TIAM1: variants seen among roughly 807,000 people sequenced by gnomAD.
TIAM1 encodes TIAM Rac1 associated GEF 1, also known as rho guanine nucleotide exchange factor TIAM1.
TIAM1 carries 65 observed loss-of-function variants against 163.5 expected under a neutral mutation model. That is an observed-to-expected ratio of 0.40 (90% CI 0.33 to 0.49). The LOEUF (loss-of-function observed/expected upper bound fraction) is 0.49. Among genes scored for constraint, TIAM1 ranks in the 20% least tolerant of loss-of-function variants. The pLI, the probability that TIAM1 is intolerant of heterozygous loss-of-function variation, is 0.77. For synonymous variants in TIAM1, 833 were observed against 810.1 expected (o/e 1.03, Z -0.48); for missense variants, 1,789 against 2,044.7 (o/e 0.87, Z 2.41).
At chr21:31,162,647 T>TA (rs1267037846) in intron 16 of TIAM1, among the ~76,000 whole-genome samples, 1 of 151,432 alleles carries the variant, frequency 6.6e-6, no homozygotes, top group African/African-American at 2.4e-5. Context: ...TTAATCTTTT[T>TA]TTTTTTTTTT....
intron 2 of TIAM1, among the ~76,000 whole-genome samples, chr21:31,439,019 A>G (rs2044322041): frequency 6.6e-6 from 1 of 152,230 alleles, no homozygotes. Flanking sequence ...TTCAGTTTCA[A>G]TTACATTAAC....
At chr21:31,344,880 T>C (rs1054759219), upstream of TIAM1, among the ~76,000 whole-genome samples, 7 of 152,206 alleles carry the variant, frequency 4.6e-5, no homozygotes, top group Admixed American at 6.5e-5. Flanking sequence ...TACATCCCTC[T>C]TTCCTTCCCC....
At chr21:31,363,104 C>A (rs1243556825) in intron 2 of TIAM1, among the ~76,000 whole-genome samples, 1 of 152,018 alleles carries the variant, frequency 6.6e-6, no homozygotes, top group Non-Finnish European at 1.5e-5. Flanking sequence ...GGTTCACGAT[C>A]GATATTAGCT....
At chr21:31,157,057 C>T (rs184377870) in intron 16 of TIAM1, among the ~76,000 whole-genome samples, 24 of 152,266 alleles carry the variant, frequency 1.6e-4, no homozygotes, top group Admixed American at 9.2e-4. Flanking sequence ...TTAAGCTAAA[C>T]GGCATAAAGA....
At chr21:31,155,715 A>G (rs543571966) in intron 16 of TIAM1, among the ~76,000 whole-genome samples, 7 of 152,166 alleles carry the variant, frequency 4.6e-5, no homozygotes, top group African/African-American at 1.7e-4. Flanking sequence ...CATGTTGGCC[A>G]GGATGGTCTC....
intron 10 of TIAM1, among the ~76,000 whole-genome samples, chr21:31,210,893 C>G (rs1401720263): frequency 6.6e-6 from 1 of 152,082 alleles, no homozygotes; most frequent in African/African-American, 2.4e-5. Flanking sequence ...ATTCCTACAA[C>G]AAGCACATCT....
intron 2 of TIAM1, among the ~76,000 whole-genome samples, chr21:31,457,569 C>T (rs912831298): frequency 1.3e-5 from 2 of 152,094 alleles, no homozygotes; most frequent in South Asian, 2.1e-4. Flanking sequence ...AACAAAGGAA[C>T]GGAGACCACA....
chr21:31,263,876 A>C (rs1453352704), intron 4 of TIAM1, among the ~76,000 whole-genome samples: 1 of 152,166 alleles, frequency 6.6e-6, no homozygotes, highest in East Asian at 1.9e-4. Context: ...CAGCCCTTCA[A>C]TCCCTTTCAG....
intron 1 of TIAM1, among the ~76,000 whole-genome samples, chr21:31,513,795 G>A (rs1266728707): frequency 1.3e-5 from 2 of 152,078 alleles, no homozygotes; most frequent in Non-Finnish European, 2.9e-5. Flanking sequence ...ATCACCTGAG[G>A]TCAGGAGTTC....
chr21:31,476,930 G>T (rs945652411), intron 1 of TIAM1, among the ~76,000 whole-genome samples: 1 of 152,134 alleles, frequency 6.6e-6, no homozygotes, highest in Non-Finnish European at 1.5e-5. Flanking sequence ...AACCAGTTTT[G>T]CTCTAGATAC....
intron 1 of TIAM1, among the ~76,000 whole-genome samples, chr21:31,477,631 C>T (rs924351787): frequency 2.6e-5 from 4 of 152,000 alleles, no homozygotes; most frequent in African/African-American, 4.8e-5. Flanking sequence ...CACGCCACCA[C>T]GCCCAGCTGA....
intron 4 of TIAM1, among the ~76,000 whole-genome samples, chr21:31,252,832 C>T (rs955662887): frequency 3.9e-5 from 6 of 152,220 alleles, no homozygotes; most frequent in African/African-American, 1.4e-4. Flanking sequence ...AGCAGCCTCT[C>T]ACTCTGCATT....
At chr21:31,174,886 T>G (rs1488254940) in intron 15 of TIAM1, among the ~76,000 whole-genome samples, 1 of 152,210 alleles carries the variant, frequency 6.6e-6, no homozygotes, top group Non-Finnish European at 1.5e-5. Flanking sequence ...TGACTTCTGG[T>G]GATCCACCCT....
chr21:31,381,632 C>T (rs1362708906), intron 2 of TIAM1, among the ~76,000 whole-genome samples: 1 of 152,156 alleles, frequency 6.6e-6, no homozygotes, highest in African/African-American at 2.4e-5. Context: ...CACGCCACTG[C>T]ACTCCAGCCT....
chr21:31,432,153 G>C lies in TIAM1; in HGVS notation c.-369+31830C>G, dbSNP rs77749809. ...GTCTCGCTCTGACACCAGGCTGGAG[G>C]GCAGTGGCGTAATCTCAACTCACTG... On this transcript the variant is annotated intron_variant, in intron 2 of 28. Coordinates refer to the TIAM1 transcript ENST00000286827. 2.6e-3 allele frequency among the ~76,000 whole-genome samples: 380 copies of C among 146,944 alleles called. 3 individuals are homozygous for C. Among genetic ancestry groups the C allele is most frequent in the African/African-American group, 9.4e-3 (369 of 39,374 alleles).
intron 2 of TIAM1, among the ~76,000 whole-genome samples, chr21:31,392,838 A>C (rs909101481): frequency 2.6e-5 from 4 of 152,068 alleles, no homozygotes; most frequent in African/African-American, 4.8e-5. Context: ...CCCTTTCGCC[A>C]TGTGACATGC....
At chr21:31,286,330 G>A (rs1466670692) in intron 2 of TIAM1, among the ~76,000 whole-genome samples, 2 of 152,166 alleles carry the variant, frequency 1.3e-5, no homozygotes, top group African/African-American at 2.4e-5. Context: ...TTGGGAGGCT[G>A]AGGCAGGAGG....
chr21:31,454,390 C>T (rs1324202705), intron 2 of TIAM1, among the ~76,000 whole-genome samples: 1 of 152,208 alleles, frequency 6.6e-6, no homozygotes, highest in Non-Finnish European at 1.5e-5. Flanking sequence ...CAGAAAACAA[C>T]ATGTGTACTA....
chr21:31,135,963 A>G lies in TIAM1; in HGVS notation c.3853T>C (p.Trp1285Arg). 1 of 1,614,074 alleles carries G rather than the reference A, an allele frequency of 6.2e-7. No homozygotes were observed. The highest frequency in any genetic ancestry group is 8.5e-7 in the Non-Finnish European group (1 of 1,180,022). ...WLNPPASLGK[W>R]KKEPELAAFV... ...GCTGCCAACTCTGGTTCCTTTTTCC[A>G]CTTGCCCAGCGAGGCCGGCGGGTTC... is the stretch of plus-strand genomic sequence containing the variant. Residue 1285 changes from tryptophan to arginine, a missense_variant, in exon 23 of 28, where the codon TGG (tryptophan) becomes CGG (arginine). This residue lies in a region of TIAM1 where 415 missense variants were observed against 439.2 expected (regional missense o/e 0.94). Coordinates refer to ENST00000541036, the MANE Select transcript of TIAM1 (RefSeq NM_001353694.2).
Sources: gnomAD v4.1 joint callset for allele counts (sites outside exome capture counted in the v4.1 genomes callset) on GRCh38, gnomAD v4.1.1 for gene constraint, gnomAD v4.1.1 regional missense constraint, MANE v1.5 for transcripts, NCBI Gene and HGNC (gene_info 2026-07-23, HGNC 2026-07-21) for gene names.